Variants in LAMA3 observed in about 807,000 individuals in gnomAD.
LAMA3 encodes the protein laminin subunit alpha 3, also known as laminin subunit alpha-3.
LAMA3 carries 281 observed loss-of-function variants against 402.0 expected under a neutral mutation model. That is an observed-to-expected ratio of 0.70 (90% CI 0.63 to 0.77). The LOEUF (loss-of-function observed/expected upper bound fraction) is 0.77, where lower values mean the gene tolerates loss of function less well. Among genes scored for constraint, LAMA3 ranks in the 30% least tolerant of loss-of-function variants. LAMA3 has a pLI of 0.00. For missense variants in LAMA3, 3,840 were observed against 4,215.5 expected, an observed-to-expected ratio of 0.91 and a Z score of 2.47; for synonymous variants, 1,431 against 1,558.4, an observed-to-expected ratio of 0.92 and a Z score of 1.93.
intron 32 of LAMA3, among the ~76,000 whole-genome samples, chr18:23,852,899 ACT>A (rs2063977950): frequency 6.6e-6 from 1 of 151,966 alleles, no homozygotes; most frequent in South Asian, 2.1e-4. Context: ...CTCCTCTCCT[ACT>A]ACCCCCAAAT....
chr18:23,846,154 G>T lies in LAMA3; in HGVS notation c.3720-143G>T, dbSNP rs541391826. The T allele has an allele frequency of 1.6e-4, 139 of 861,508 alleles. No individual in the cohort carries two copies. The African/African-American group carries it at 1.8e-3, about 11-fold the overall frequency. The allele number at this position is 861,508 out of a possible 1,614,324, so 53.4% of individuals were successfully genotyped here. A position where few individuals can be genotyped will look rare whatever the true frequency, so the allele number is the denominator to read the frequency against. On this transcript the variant is annotated intron_variant, in intron 30 of 74. Transcript: ENST00000313654. ...TGTCACCGGCTGAGTCTGAGGTGGGGTATTTCCCACTCTTCCCTGACTCCA... is the reference window on the plus strand; with the variant it reads ...TGTCACCGGCTGAGTCTGAGGTGGGTTATTTCCCACTCTTCCCTGACTCCA...
intron 32 of LAMA3, among the ~76,000 whole-genome samples, chr18:23,856,217 A>G (rs1384828869): frequency 2.0e-5 from 3 of 152,230 alleles, no homozygotes; most frequent in African/African-American, 7.2e-5. Flanking sequence ...AAAATCCTTT[A>G]TAAGCAGATA....
intron 35 of LAMA3, among the ~76,000 whole-genome samples, chr18:23,862,514 A>G (rs775538990): frequency 5.3e-5 from 8 of 152,164 alleles, no homozygotes; most frequent in Non-Finnish European, 8.8e-5. Flanking sequence ...GACTAAAATA[A>G]TAGGGCCTTG....
intron 61 of LAMA3, 96 bp from the exon 62 acceptor site, chr18:23,921,356 G>T (rs2081830218): frequency 4.5e-6 from 6 of 1,334,480 alleles, no homozygotes; most frequent in Admixed American, 4.6e-5. Context: ...AAATGAATCT[G>T]GGGGAAGATA....
chr18:23,899,680 A>AT, intron 47 of LAMA3: 1 of 449,430 alleles, frequency 2.2e-6, no homozygotes. Context: ...AAAAAAAAAA[A>AT]GTTCTTCTAA....
At chr18:23,712,477 T>C (rs1244218694) in intron 1 of LAMA3, among the ~76,000 whole-genome samples, 1 of 151,388 alleles carries the variant, frequency 6.6e-6, no homozygotes, top group Non-Finnish European at 1.5e-5. Context: ...GATGGAATTA[T>C]TCCTTGGTTG....
At chr18:23,758,048 G>C (rs1329155859) in intron 6 of LAMA3, among the ~76,000 whole-genome samples, 1 of 152,186 alleles carries the variant, frequency 6.6e-6, no homozygotes, top group Non-Finnish European at 1.5e-5. Flanking sequence ...GTCAGCACTT[G>C]AGTGCTCCTG....
At chr18:23,834,449 G>T in intron 24 of LAMA3, 1 of 166,838 alleles carries the variant, frequency 6.0e-6, no homozygotes, top group Admixed American at 5.7e-5. Flanking sequence ...ATTGTCAAGT[G>T]GAAAAAAAAA....
chr18:23,894,741 C>A (rs2080814068), intron 43 of LAMA3, among the ~76,000 whole-genome samples, 166 bp from the exon 44 acceptor site: 1 of 152,180 alleles, frequency 6.6e-6, no homozygotes, highest in Non-Finnish European at 1.5e-5. Context: ...GTGCACAGGG[C>A]TCTCCTTTTT....
intron 44 of LAMA3, among the ~76,000 whole-genome samples, chr18:23,896,683 T>C (rs894097945): frequency 6.6e-5 from 10 of 152,112 alleles, no homozygotes; most frequent in Admixed American, 3.3e-4. Context: ...ATGCTCATCG[T>C]TGGGTGATGG....
chr18:23,798,799 G>A (rs989649613), intron 12 of LAMA3, among the ~76,000 whole-genome samples: 7 of 152,198 alleles, frequency 4.6e-5, no homozygotes, highest in Non-Finnish European at 1.0e-4. Flanking sequence ...TGAAGATCAA[G>A]GTGCCAATCG....
intron 39 of LAMA3, 55 bp downstream of exon 39, chr18:23,876,462 C>T (rs1246905630): frequency 8.7e-7 from 1 of 1,152,380 alleles, no homozygotes; most frequent in Non-Finnish European, 1.3e-6. Context: ...CTCCTCCATT[C>T]CCCTGTACTA....
At chr18:23,906,551 A>G (rs1038793903) in intron 52 of LAMA3, among the ~76,000 whole-genome samples, 1 of 152,166 alleles carries the variant, frequency 6.6e-6, no homozygotes, top group African/African-American at 2.4e-5. Flanking sequence ...CAAGGCCCTC[A>G]TTCAGCCTCT....
At chr18:23,726,139 G>A (rs775586443) in intron 2 of LAMA3, among the ~76,000 whole-genome samples, 6 of 152,222 alleles carry the variant, frequency 3.9e-5, no homozygotes, top group Non-Finnish European at 5.9e-5. Context: ...TGGGGAGGGT[G>A]AGTGGGGCAA....
intron 41 of LAMA3, 108 bp from the exon 42 acceptor site, chr18:23,889,903 A>G (rs2145008646): frequency 4.8e-6 from 4 of 825,120 alleles, no homozygotes; most frequent in Non-Finnish European, 8.6e-6. Context: ...TCGGTCTTCC[A>G]CCCATTGGGT....
chr18:23,842,900 C>G, intron 29 of LAMA3, 150 bp downstream of exon 29: 1 of 975,352 alleles, frequency 1.0e-6, no homozygotes, highest in East Asian at 2.6e-5. Context: ...TCTTTTACCC[C>G]CCAATAAATA....
chr18:23,756,798 CA>C (rs2061852862), intron 6 of LAMA3, among the ~76,000 whole-genome samples: 1 of 152,132 alleles, frequency 6.6e-6, no homozygotes, highest in Admixed American at 6.5e-5. Context: ...TCGGGAGTGC[CA>C]AGACTCAGGG....
At chr18:23,887,553 T>G (rs1292362217) in intron 41 of LAMA3, among the ~76,000 whole-genome samples, 1 of 152,240 alleles carries the variant, frequency 6.6e-6, no homozygotes, top group Non-Finnish European at 1.5e-5. Context: ...AAAAATTTTT[T>G]GAAGCTTTTT....
At position 23,689,579 on chromosome 18, in the gene LAMA3, CT is replaced by C; in HGVS notation, c.-104del. On this transcript the variant is annotated 5_prime_UTR_variant, in exon 1 of 75. Coordinates refer to ENST00000313654, the MANE Select transcript of LAMA3 (RefSeq NM_198129.4). ...GCCCCGGCGCCGCCCATATCCCCGG[CT>C]GCGCTAGTCCTGGCGCTGCAGGTCC... 1 of 1,110,422 alleles carries C rather than the reference CT, an allele frequency of 9.0e-7. No individual in the cohort carries two copies. Among genetic ancestry groups the C allele is most frequent in the Non-Finnish European group, 1.1e-6 (1 of 881,604 alleles). 68.8% of individuals were successfully genotyped at this position (1,110,422 alleles called of 1,614,324 possible). A position where few individuals can be genotyped will look rare whatever the true frequency, so the allele number is the denominator to read the frequency against.
Sources: gnomAD v4.1 joint callset for allele counts (sites outside exome capture counted in the v4.1 genomes callset) on GRCh38, gnomAD v4.1.1 for gene constraint, MANE v1.5 for transcripts, NCBI Gene and HGNC (gene_info 2026-07-23, HGNC 2026-07-21) for gene names.